Variants in ACSBG2 observed in about 807,000 individuals in gnomAD.
ACSBG2 encodes long-chain-fatty-acid--CoA ligase ACSBG2.
A neutral mutation model predicts 74.7 loss-of-function variants in ACSBG2; 62 were observed. The observed-to-expected ratio is 0.83, with a 90% CI of 0.68 to 1.03. The LOEUF is 1.03. Among genes scored for constraint, ACSBG2 ranks in the 50% least tolerant of loss-of-function variants. The pLI, the probability that ACSBG2 is intolerant of heterozygous loss-of-function variation, is 0.00. For synonymous variants in ACSBG2, 309 were observed against 294.1 expected (o/e 1.05, Z -0.52); for missense variants, 730 against 817.6 (o/e 0.89, Z 1.31).
intron 5 of ACSBG2, chr19:6,160,851 G>A (rs2089583731): frequency 5.6e-6 from 1 of 178,492 alleles, no homozygotes. Context: ...TGTAATCCCA[G>A]CACTTTGGGA....
intron 7 of ACSBG2, among the ~76,000 whole-genome samples, chr19:6,169,158 C>A (rs189809218): frequency 6.6e-6 from 1 of 152,194 alleles, no homozygotes; most frequent in Non-Finnish European, 1.5e-5. Flanking sequence ...TTAATTGTTT[C>A]TTTTGCTGTG....
In ACSBG2 at chr19:6,151,770, A is replaced by G. The variant is rs535226837; in HGVS notation, c.361A>G (p.Thr121Ala). Residue 121 changes from threonine to alanine, a missense_variant, in exon 4 of 15, where the codon ACT (threonine) becomes GCT (alanine). Coordinates refer to ENST00000588485, the MANE Select transcript of ACSBG2 (RefSeq NM_030924.5). ...GTTTAACTCTGCAGAGTGGTTTATC[A>G]CTGCTGTTGGTGCCATCCTAGCCGG... ...LGFNSAEWFI[T>A]AVGAILAGGL... 6.2e-7 allele frequency: 1 copy of G among 1,600,054 alleles called. No homozygotes were observed. Among genetic ancestry groups the G allele is most frequent in the South Asian group, 1.1e-5 (1 of 88,504 alleles).
chr19:6,175,274 TTC>T (rs2090062130), intron 7 of ACSBG2: 1 of 151,162 alleles, frequency 6.6e-6, no homozygotes, highest in Non-Finnish European at 1.5e-5. Flanking sequence ...TTCCTTCTAT[TTC>T]CTCATTCATT....
At position 6,174,590 on chromosome 19, in the gene ACSBG2, C is replaced by T. The variant is rs914883193; in HGVS notation, c.739-2639C>T. Among the ~76,000 whole-genome samples, 6 of 152,110 alleles carry T rather than the reference C, an allele frequency of 3.9e-5. No homozygotes were observed. The highest frequency in any genetic ancestry group is 1.4e-4 in the African/African-American group (6 of 41,420). On this transcript the variant is annotated intron_variant, in intron 7 of 14. Transcript: ENST00000588485. This position sits in a 1 kb window ranked among gnomAD's most constrained non-coding sequence, Gnocchi z 4.2. ...TTGGGAGGCCGAGACAGGAGGATTG[C>T]TTGAAGCCAGGATTGTTTGAGAGAA... is the stretch of plus-strand genomic sequence containing the variant.
At chr19:6,155,866 C>G (rs1444189231) in intron 4 of ACSBG2, among the ~76,000 whole-genome samples, 1 of 134,046 alleles carries the variant, frequency 7.5e-6, no homozygotes, top group Non-Finnish European at 1.6e-5. Context: ...GAATTTCTAA[C>G]AAAGGACTGG....
intron 12 of ACSBG2, 71 bp downstream of exon 12, chr19:6,187,493 G>A (rs1351988388): frequency 8.1e-6 from 13 of 1,603,492 alleles, no homozygotes; most frequent in African/African-American, 8.0e-5. Flanking sequence ...CCACCCCAGG[G>A]TCAAGAGGAT....
At chr19:6,168,771 A>G (rs1385424954) in intron 7 of ACSBG2, among the ~76,000 whole-genome samples, 1 of 152,010 alleles carries the variant, frequency 6.6e-6, no homozygotes, top group Non-Finnish European at 1.5e-5. Flanking sequence ...TCTGAATATT[A>G]GTCCTTTTTT....
At chr19:6,162,393 C>T (rs189682950) in intron 6 of ACSBG2, among the ~76,000 whole-genome samples, 2 of 151,210 alleles carry the variant, frequency 1.3e-5, no homozygotes, top group African/African-American at 4.9e-5. Flanking sequence ...GGTGAAACCC[C>T]GTCTCTATTG....
chr19:6,162,809 C>T (rs964892026), intron 6 of ACSBG2, among the ~76,000 whole-genome samples: 1 of 151,898 alleles, frequency 6.6e-6, no homozygotes, highest in Non-Finnish European at 1.5e-5. Context: ...AGGAATATAT[C>T]CCCTGCCTCC....
chr19:6,190,419 T>G (rs991173545), intron 13 of ACSBG2, 165 bp from the exon 14 acceptor site: 1 of 590,592 alleles, frequency 1.7e-6, no homozygotes. Context: ...CATGGAAGTT[T>G]TATCATCCCC....
At chr19:6,189,543 T>C (rs1029649451) in intron 13 of ACSBG2, among the ~76,000 whole-genome samples, 1 of 152,018 alleles carries the variant, frequency 6.6e-6, no homozygotes, top group Non-Finnish European at 1.5e-5. Context: ...TTTTTGTTTG[T>C]TTTGAGACAG....
chr19:6,159,826 G>A (rs2089548126), intron 5 of ACSBG2, among the ~76,000 whole-genome samples: 1 of 151,956 alleles, frequency 6.6e-6, no homozygotes, highest in Non-Finnish European at 1.5e-5. Flanking sequence ...ACTCTCTTGG[G>A]TCCCCACTCT....
intron 14 of ACSBG2, 120 bp downstream of exon 14, chr19:6,190,812 T>TACACACACACACACACAAACAC (rs2090543334): frequency 3.1e-6 from 1 of 323,294 alleles, no homozygotes; most frequent in Non-Finnish European, 6.0e-6. Flanking sequence ...CACACATACA[T>TACACACACACACACACAAACAC]ACACACACAC....
intron 10 of ACSBG2, among the ~76,000 whole-genome samples, chr19:6,184,477 C>T (rs2090342656): frequency 2.0e-5 from 3 of 151,818 alleles, no homozygotes; most frequent in Admixed American, 6.6e-5. Context: ...TTTTCTTTTG[C>T]TAACCAGGGG....
chr19:6,154,678 A>C (rs1435950421), intron 4 of ACSBG2, among the ~76,000 whole-genome samples: 1 of 151,558 alleles, frequency 6.6e-6, no homozygotes, highest in African/African-American at 2.4e-5. Context: ...TGGCTGGCTA[A>C]ATTTTGTATT....
At chr19:6,148,595 T>C (rs1180800937) in intron 3 of ACSBG2, among the ~76,000 whole-genome samples, 1 of 150,734 alleles carries the variant, frequency 6.6e-6, no homozygotes, top group African/African-American at 2.5e-5. Context: ...CAATGACCTG[T>C]GATTGCACCA....
At chr19:6,179,763 C>G (rs193241787) in intron 8 of ACSBG2, among the ~76,000 whole-genome samples, 4 of 152,212 alleles carry the variant, frequency 2.6e-5, no homozygotes. Flanking sequence ...CAGGCGTGCA[C>G]CACCACGCCC....
chr19:6,175,654 C>T (rs1600104928), intron 7 of ACSBG2, among the ~76,000 whole-genome samples: 1 of 152,026 alleles, frequency 6.6e-6, no homozygotes, highest in African/African-American at 2.4e-5. Context: ...GGAGCAACAG[C>T]GAGGAGGTCT....
At chr19:6,161,982 A>C (rs1364124713) in intron 6 of ACSBG2, among the ~76,000 whole-genome samples, 1 of 152,230 alleles carries the variant, frequency 6.6e-6, no homozygotes, top group Non-Finnish European at 1.5e-5. Context: ...TTAAGTTTAA[A>C]TATTTTATTT....
Sources: allele counts gnomAD v4.1 joint callset (sites outside exome capture counted in the v4.1 genomes callset), GRCh38; gene constraint gnomAD v4.1.1; non-coding constraint Gnocchi (gnomAD v3.1); transcripts MANE v1.5; gene names NCBI Gene and HGNC (gene_info 2026-07-23, HGNC 2026-07-21).